Variants in CRPPA observed in about 807,000 individuals in gnomAD.
CRPPA encodes the protein D-ribitol-5-phosphate cytidylyltransferase.
A neutral mutation model predicts 52.0 loss-of-function variants in CRPPA; 43 were observed. The ratio of observed to expected loss-of-function variants is 0.83; its 90% CI spans 0.65 to 1.07. The LOEUF (loss-of-function observed/expected upper bound fraction) is 1.07, where lower values mean the gene tolerates loss of function less well. CRPPA is among the 50% of genes least tolerant of loss of function. The pLI is 0.00. For synonymous variants in CRPPA, 250 were observed against 203.5 expected (o/e 1.23, Z -1.94); for missense variants, 629 against 551.7 (o/e 1.14, Z -1.40).
At chr7:16,343,419 T>C (rs142732934) in intron 3 of CRPPA, among the ~76,000 whole-genome samples, 3 of 152,102 alleles carry the variant, frequency 2.0e-5, no homozygotes, top group Admixed American at 6.5e-5. Context: ...GGAAGCCTAG[T>C]AGCCAATGAA....
chr7:16,412,952 A>T (rs1788106443), intron 1 of CRPPA, among the ~76,000 whole-genome samples: 1 of 152,172 alleles, frequency 6.6e-6, no homozygotes, highest in East Asian at 1.9e-4. Context: ...TAACAGATCT[A>T]TTGGGAACAG....
chr7:16,356,453 A>G (rs996268988), intron 3 of CRPPA, among the ~76,000 whole-genome samples: 5 of 152,196 alleles, frequency 3.3e-5, no homozygotes, highest in Non-Finnish European at 7.3e-5. Context: ...CTTTTTAAAC[A>G]CAGGCTGGCC....
intron 3 of CRPPA, 27 bp downstream of exon 3, chr7:16,376,065 G>C (rs1188221785): frequency 1.3e-6 from 2 of 1,548,592 alleles, no homozygotes; most frequent in East Asian, 2.4e-5. Flanking sequence ...CATAACAGCA[G>C]CTTATTCAAA....
chr7:16,369,269 G>A (rs1380268411), intron 3 of CRPPA, among the ~76,000 whole-genome samples: 2 of 152,230 alleles, frequency 1.3e-5, no homozygotes, highest in East Asian at 1.9e-4. Context: ...ATTTGAGCAA[G>A]CAGGGGGTAC....
At chr7:16,204,226 G>A (rs1350331712) in intron 9 of CRPPA, among the ~76,000 whole-genome samples, 1 of 152,048 alleles carries the variant, frequency 6.6e-6, no homozygotes, top group Non-Finnish European at 1.5e-5. Context: ...AATGTCATAA[G>A]CATCAGAAAA....
chr7:16,341,701 G>A (rs1785839843), intron 3 of CRPPA, among the ~76,000 whole-genome samples: 1 of 152,158 alleles, frequency 6.6e-6, no homozygotes, highest in Non-Finnish European at 1.5e-5. Context: ...ATCCTCAAAT[G>A]TGGGATATTA....
At chr7:16,208,966 C>A in intron 9 of CRPPA, 1 of 414,402 alleles carries the variant, frequency 2.4e-6, no homozygotes. Flanking sequence ...TCCTAAAATC[C>A]ACCAAATTTT....
chr7:16,251,595 A>G (rs764814170), intron 8 of CRPPA, among the ~76,000 whole-genome samples: 3 of 152,236 alleles, frequency 2.0e-5, no homozygotes, highest in Non-Finnish European at 4.4e-5. Flanking sequence ...GTACAACTAC[A>G]TGGAAACTGA....
intron 2 of CRPPA, among the ~76,000 whole-genome samples, chr7:16,386,227 A>AC (rs1306884259): frequency 6.6e-6 from 1 of 151,696 alleles, no homozygotes; most frequent in Non-Finnish European, 1.5e-5. Flanking sequence ...CTCTCTGACC[A>AC]CCCCCAGCTG....
At chr7:16,389,928 A>AAAAAAAAAAAAAAAAAAAAATAT in intron 2 of CRPPA, among the ~76,000 whole-genome samples, 1 of 29,758 alleles carries the variant, frequency 3.4e-5, no homozygotes, top group African/African-American at 1.7e-4. Context: ...AAAAAAAAAA[A>AAAAAAAAAAAAAAAAAAAAATAT]ATATATATAT....
intron 2 of CRPPA, among the ~76,000 whole-genome samples, chr7:16,382,896 A>C (rs1787149523): frequency 6.6e-6 from 1 of 152,116 alleles, no homozygotes; most frequent in South Asian, 2.1e-4. Flanking sequence ...CATTCGTCTA[A>C]ATTTTTTTCA....
At chr7:16,356,454 C>G (rs1786297633) in intron 3 of CRPPA, among the ~76,000 whole-genome samples, 1 of 152,146 alleles carries the variant, frequency 6.6e-6, no homozygotes, top group Non-Finnish European at 1.5e-5. Context: ...TTTTTAAACA[C>G]AGGCTGGCCT....
chr7:16,295,597 A>C (rs1019082126), intron 5 of CRPPA, among the ~76,000 whole-genome samples: 1 of 152,110 alleles, frequency 6.6e-6, no homozygotes, highest in Non-Finnish European at 1.5e-5. Flanking sequence ...GTAGAAAATA[A>C]ATGCAATAGT....
chr7:16,386,341 G>C (rs1351186684), intron 2 of CRPPA, among the ~76,000 whole-genome samples: 1 of 152,144 alleles, frequency 6.6e-6, no homozygotes, highest in Non-Finnish European at 1.5e-5. Context: ...TGGAGCCTGG[G>C]GTTTGGGGCT....
intron 3 of CRPPA, among the ~76,000 whole-genome samples, chr7:16,309,866 T>C: frequency 6.6e-6 from 1 of 152,176 alleles, no homozygotes; most frequent in East Asian, 1.9e-4. Context: ...TCTTGTGATC[T>C]CCTATTGGGT....
chr7:16,123,000 A>G (rs1457994528), intron 9 of CRPPA, among the ~76,000 whole-genome samples: 1 of 152,048 alleles, frequency 6.6e-6, no homozygotes, highest in Non-Finnish European at 1.5e-5. Context: ...AGCAAAATAG[A>G]TTTGTTTAAA....
At chr7:16,250,884 T>C (rs1469767467) in intron 8 of CRPPA, among the ~76,000 whole-genome samples, 4 of 152,030 alleles carry the variant, frequency 2.6e-5, no homozygotes, top group Non-Finnish European at 5.9e-5. Context: ...AATATTAACC[T>C]TAAATGTAAA....
intron 9 of CRPPA, among the ~76,000 whole-genome samples, chr7:16,095,642 C>A (rs570594689): frequency 6.6e-6 from 1 of 152,270 alleles, no homozygotes; most frequent in African/African-American, 2.4e-5. Flanking sequence ...AGCCTCCTAA[C>A]ATTCTCCCCA....
At position 16,132,757 on chromosome 7, in the gene CRPPA, A is replaced by G. The variant is rs1782703187; in HGVS notation, c.1252-40958T>C. ...TTGGCAAACATTGTAGCCTAGAAATACCAAAAAAATAAAAAGTTAGGTATG... is the reference window on the plus strand; with the variant it reads ...TTGGCAAACATTGTAGCCTAGAAATGCCAAAAAAATAAAAAGTTAGGTATG... On this transcript the variant is annotated intron_variant, in intron 9 of 9. Coordinates refer to ENST00000407010, the MANE Select transcript of CRPPA (RefSeq NM_001101426.4). Among the ~76,000 whole-genome samples, 2 of 125,012 alleles carry G rather than the reference A, an allele frequency of 1.6e-5. 1 individual carries two copies. The allele number at this position is 125,012 out of a possible 152,430, so 82.0% of individuals were successfully genotyped here. A position where few individuals can be genotyped will look rare whatever the true frequency, so the allele number is the denominator to read the frequency against.
Sources: allele counts gnomAD v4.1 joint callset (sites outside exome capture counted in the v4.1 genomes callset), GRCh38; gene constraint gnomAD v4.1.1; transcripts MANE v1.5; gene names NCBI Gene and HGNC (gene_info 2026-07-23, HGNC 2026-07-21).